Variants in SLC16A4 observed in about 807,000 individuals in gnomAD.
SLC16A4 encodes the protein probable monocarboxylate transporter 5.
A neutral mutation model predicts 47.9 loss-of-function variants in SLC16A4; 39 were observed. That is an observed-to-expected ratio of 0.81 (90% CI 0.63 to 1.06). The LOEUF is 1.06. Ranked by LOEUF, SLC16A4 falls within the 50% of genes least tolerant of loss-of-function variation. SLC16A4 has a pLI of 0.00. For synonymous variants in SLC16A4, 189 were observed against 199.9 expected (o/e 0.95, Z 0.46); for missense variants, 524 against 573.8 (o/e 0.91, Z 0.89).
chr1:110,367,062 A>G (rs1014411475), intron 8 of SLC16A4, among the ~76,000 whole-genome samples: 4 of 152,250 alleles, frequency 2.6e-5, no homozygotes, highest in African/African-American at 9.6e-5. Context: ...CATATGACTG[A>G]TTATTTTATG....
intron 2 of SLC16A4, among the ~76,000 whole-genome samples, chr1:110,383,813 T>TTG (rs1662574330): frequency 9.4e-6 from 1 of 106,628 alleles, no homozygotes; most frequent in Non-Finnish European, 2.0e-5. Context: ...AGGTTTTTTT[T>TTG]TTTTTTTTTT....
intron 3 of SLC16A4, among the ~76,000 whole-genome samples, chr1:110,382,433 T>C (rs898251558): frequency 2.0e-5 from 3 of 151,890 alleles, no homozygotes; most frequent in African/African-American, 7.3e-5. Flanking sequence ...CACTCCAACC[T>C]GGGCAACAGA....
rs1661433333 is a variant in SLC16A4 at position 110,366,986 on chromosome 1, GTATT to G, written c.1337-3097_1337-3094del. Among the ~76,000 whole-genome samples the G allele has an allele frequency of 2.6e-5, 4 of 152,260 alleles. No individual in the cohort carries two copies. In the South Asian group the frequency reaches 8.3e-4, roughly 32 times the overall value. Reference sequence around the variant, plus strand: ...CAATAGGATAATAGTATACAGCTGAGTATTTAGTTTTAGGATGCTGTTTATACTA... The same window carrying G: ...CAATAGGATAATAGTATACAGCTGAGTAGTTTTAGGATGCTGTTTATACTA... On this transcript the variant is annotated intron_variant, in intron 8 of 8. Transcript: ENST00000369779.
chr1:110,372,787 C>T (rs148032692), intron 8 of SLC16A4: 2 of 152,096 alleles, frequency 1.3e-5, no homozygotes, highest in Non-Finnish European at 1.5e-5. Context: ...GTATGGCTGC[C>T]TAAGTAATAG....
chr1:110,381,700 AGCT>A lies in SLC16A4; in HGVS notation c.313_315del (p.Ser105del). On this transcript the variant is annotated inframe_deletion, in exon 4 of 9. Coordinates refer to ENST00000369779, the MANE Select transcript of SLC16A4 (RefSeq NM_004696.3). ...CAAAGAAAAGGAATACTTGTGGCCC[AGCT>A]GCTGATCAGATATCCACCAGTAACA... The A allele has an allele frequency of 6.2e-7, 1 of 1,613,818 alleles. No homozygotes were observed. Among genetic ancestry groups the A allele is most frequent in the South Asian group, 1.1e-5 (1 of 90,994 alleles).
At chr1:110,377,589 T>C (rs1364937707) in intron 6 of SLC16A4, among the ~76,000 whole-genome samples, 3 of 152,184 alleles carry the variant, frequency 2.0e-5, no homozygotes, top group African/African-American at 7.2e-5. Context: ...GATTGGAGTA[T>C]AAATAAGTCT....
chr1:110,384,609 G>C (rs1371083101), intron 2 of SLC16A4, among the ~76,000 whole-genome samples: 1 of 152,188 alleles, frequency 6.6e-6, no homozygotes, highest in African/African-American at 2.4e-5. Context: ...CCTAGCCAGG[G>C]TTTGCATTCA....
intron 8 of SLC16A4, among the ~76,000 whole-genome samples, chr1:110,364,283 A>G (rs1363800102): frequency 6.6e-6 from 1 of 152,118 alleles, no homozygotes; most frequent in Admixed American, 6.5e-5. Context: ...ATTCCTGTTA[A>G]TATTGCTAGG....
chr1:110,370,772 G>GA (rs1411638197), intron 8 of SLC16A4: 1 of 152,092 alleles, frequency 6.6e-6, no homozygotes, highest in Non-Finnish European at 1.5e-5. Context: ...CTTGGTGGGG[G>GA]AAAAATACTC....
At chr1:110,389,414 C>G (rs1662910189) in intron 1 of SLC16A4, 59 bp from the exon 2 acceptor site, 1 of 1,043,708 alleles carries the variant, frequency 9.6e-7, no homozygotes, top group Non-Finnish European at 1.5e-6. Context: ...AACTTTTAAA[C>G]TTTTTATCTG....
chr1:110,366,255 T>G (rs1661389838), intron 8 of SLC16A4, among the ~76,000 whole-genome samples: 1 of 152,050 alleles, frequency 6.6e-6, no homozygotes, highest in Admixed American at 6.6e-5. Context: ...ACCCGCAGGT[T>G]CAAGTGATTC....
intron 1 of SLC16A4, among the ~76,000 whole-genome samples, chr1:110,389,776 T>G (rs1271494115): frequency 6.6e-6 from 1 of 150,804 alleles, no homozygotes; most frequent in East Asian, 1.9e-4. Context: ...AGCTGGACCA[T>G]TATCTTGAGC....
intron 8 of SLC16A4, among the ~76,000 whole-genome samples, chr1:110,369,134 T>C (rs924955430): frequency 6.6e-6 from 1 of 151,994 alleles, no homozygotes; most frequent in African/African-American, 2.4e-5. Context: ...TTTGTATTTT[T>C]AGTAGAGACG....
intron 8 of SLC16A4, among the ~76,000 whole-genome samples, chr1:110,365,614 C>G (rs1000641442): frequency 1.3e-5 from 2 of 152,144 alleles, no homozygotes; most frequent in Non-Finnish European, 2.9e-5. Context: ...CTATAGATCT[C>G]TAAGAAATAG....
chr1:110,371,125 T>C (rs1661663286), intron 8 of SLC16A4: 2 of 152,186 alleles, frequency 1.3e-5, no homozygotes, highest in Admixed American at 6.5e-5. Context: ...TGACAGTTAT[T>C]GAATGAATGC....
intron 3 of SLC16A4, 84 bp downstream of exon 3, chr1:110,382,750 T>G: frequency 7.7e-7 from 1 of 1,291,902 alleles, no homozygotes; most frequent in Non-Finnish European, 1.0e-6. Flanking sequence ...GAAACTGAAT[T>G]CCTATTCAGT....
At chr1:110,364,962 C>G (rs1426526410) in intron 8 of SLC16A4, among the ~76,000 whole-genome samples, 3 of 151,386 alleles carry the variant, frequency 2.0e-5, no homozygotes, top group South Asian at 2.1e-4. Context: ...CACATCATTG[C>G]AAAAGTCAAC....
At chr1:110,367,847 T>A (rs541545664) in intron 8 of SLC16A4, among the ~76,000 whole-genome samples, 20 of 152,272 alleles carry the variant, frequency 1.3e-4, no homozygotes, top group Non-Finnish European at 2.8e-4. Flanking sequence ...TTGTTTTTTT[T>A]GAGAGGAATC....
chr1:110,382,406 C>A (rs998819098), intron 3 of SLC16A4, among the ~76,000 whole-genome samples: 7 of 151,936 alleles, frequency 4.6e-5, no homozygotes, highest in South Asian at 2.1e-4. Context: ...TTGCAGTGAG[C>A]CGAGATAGCA....
Sources: allele counts gnomAD v4.1 joint callset (sites outside exome capture counted in the v4.1 genomes callset), GRCh38; gene constraint gnomAD v4.1.1; transcripts MANE v1.5; gene names NCBI Gene and HGNC (gene_info 2026-07-23, HGNC 2026-07-21).